The following COPZ1 variants were observed in gnomAD, a reference collection of about 807,000 sequenced individuals.
The protein encoded by COPZ1 is coat protein complex I subunit zeta 1.
In COPZ1, 4 loss-of-function variants were observed where a neutral mutation model predicts 31.7. The ratio of observed to expected loss-of-function variants is 0.13; its 90% CI spans 0.06 to 0.29. The LOEUF is 0.29. Among genes scored for constraint, COPZ1 ranks in the 10% least tolerant of loss-of-function variants. The probability of loss-of-function intolerance (pLI) is 1.00; values close to 1 mark genes in which losing one functional copy is unlikely to be tolerated. For missense variants in COPZ1, 156 were observed against 211.5 expected (o/e 0.74, Z 1.63); for synonymous variants, 74 against 79.0 (o/e 0.94, Z 0.33).
At position 54,340,450 on chromosome 12, in the gene COPZ1, T is replaced by C. The variant is rs79670595; in HGVS notation, c.19-97T>C. On this transcript the variant is annotated intron_variant, in intron 1 of 8. Coordinates refer to ENST00000262061, the MANE Select transcript of COPZ1 (RefSeq NM_016057.3). ...TAAGGGACTTACAGAGGTACCTCTG[T>C]ATCCCCTTGCAGCCCCAGTGGGACT... 9,676 of 1,568,426 alleles carry C rather than the reference T, an allele frequency of 6.2e-3. 427 individuals are homozygous for C. Among genetic ancestry groups the C allele is most frequent in the East Asian group, 0.032 (1,389 of 43,960 alleles).
intron 5 of COPZ1, chr12:54,346,550 G>A: frequency 2.9e-6 from 2 of 693,364 alleles, no homozygotes; most frequent in Non-Finnish European, 5.3e-6. Flanking sequence ...TGGGATTATA[G>A]GCATGAGCCA....
intron 1 of COPZ1, among the ~76,000 whole-genome samples, chr12:54,330,698 G>C (rs1953735202): frequency 6.6e-6 from 1 of 152,180 alleles, no homozygotes; most frequent in South Asian, 2.1e-4. Flanking sequence ...TTTTTATCTA[G>C]ATACTTGCTG....
intron 1 of COPZ1, among the ~76,000 whole-genome samples, chr12:54,338,899 G>A (rs1288078803): frequency 1.3e-5 from 2 of 152,180 alleles, no homozygotes; most frequent in Non-Finnish European, 2.9e-5. Context: ...TTCTTTGCAT[G>A]GAACCATAAA....
At chr12:54,337,385 A>T (rs1592202921) in intron 1 of COPZ1, 2 of 494,994 alleles carry the variant, frequency 4.0e-6, no homozygotes, top group Non-Finnish European at 8.3e-6. Flanking sequence ...CCCTAAGCTG[A>T]TAAGGTCTTT....
chr12:54,340,621 A>T lies in COPZ1; in HGVS notation c.87+6A>T, dbSNP rs754416532. ...GAGATCGACTTTTTGCCAAGGTGAG[A>T]TTCCCTTTCGAATTAGTTTAGGAAC... On this transcript the variant is annotated splice_donor_region_variant and intron_variant, in intron 2 of 8. Transcript: ENST00000262061. 3.1e-6 allele frequency: 5 copies of T among 1,613,068 alleles called. No homozygotes were observed. The East Asian group carries it at 8.9e-5, about 29-fold the overall frequency.
chr12:54,331,050 G>C (rs537090660), intron 1 of COPZ1, among the ~76,000 whole-genome samples: 1 of 152,008 alleles, frequency 6.6e-6, no homozygotes, highest in African/African-American at 2.4e-5. Context: ...TCCCTAGCCT[G>C]TGTCACCTCT....
rs1489359545 is a variant in COPZ1 at position 54,343,333 on chromosome 12, CT to C, written c.261+18del. On this transcript the variant is annotated intron_variant, in intron 4 of 8. Coordinates refer to ENST00000262061, the MANE Select transcript of COPZ1 (RefSeq NM_016057.3). ...GAAAATGAGGTGAGAATCCCCACCC[CT>C]CTTTGCTATTTCTGATCCTACTTTC... 5 of 1,591,678 alleles carry C rather than the reference CT, an allele frequency of 3.1e-6. No homozygotes were observed. The highest frequency in any genetic ancestry group is 3.4e-6 in the Non-Finnish European group (4 of 1,159,560).
intron 1 of COPZ1, among the ~76,000 whole-genome samples, chr12:54,328,423 A>C (rs1437222943): frequency 1.3e-5 from 2 of 150,634 alleles, no homozygotes; most frequent in African/African-American, 4.9e-5. Flanking sequence ...TACAAAACTT[A>C]GCTGGGCGTG....
chr12:54,346,521 C>A, intron 5 of COPZ1: 1 of 652,844 alleles, frequency 1.5e-6, no homozygotes, highest in South Asian at 1.6e-5. Context: ...GATCCACCTA[C>A]CTTGGCCTCC....
At chr12:54,336,865 T>C (rs1388381897) in intron 1 of COPZ1, among the ~76,000 whole-genome samples, 2 of 151,202 alleles carry the variant, frequency 1.3e-5, no homozygotes, top group African/African-American at 4.9e-5. Context: ...CTACTAAAAA[T>C]ACAAAAATTA....
chr12:54,342,460 C>T (rs1235851546), intron 3 of COPZ1, 173 bp downstream of exon 3: 29 of 594,258 alleles, frequency 4.9e-5, no homozygotes, highest in Non-Finnish European at 6.9e-5. Context: ...GTGTACCTCA[C>T]GCGGGAATAC....
In COPZ1 at chr12:54,325,177, T is replaced by C; in HGVS notation, c.14T>C (p.Ile5Thr). The part of the protein sequence containing the change: MEAL[I>T]LEPSLYTVKA... ...CTGCGGGGCAAGATGGAGGCGCTGA[T>C]TTTGGTAGGAGCTGGAGGGGCAGCA... Residue 5 changes from isoleucine to threonine, a missense_variant, in exon 1 of 9, where the codon ATT becomes ACT. Physicochemically the swap from Ile to Thr is moderately conservative, Grantham distance 89. Coordinates refer to ENST00000262061, the MANE Select transcript of COPZ1 (RefSeq NM_016057.3). 1 of 1,561,546 alleles carries C rather than the reference T, an allele frequency of 6.4e-7. No individual in the cohort carries two copies. Among genetic ancestry groups the C allele is most frequent in the South Asian group, 1.2e-5 (1 of 84,800 alleles).
intron 8 of COPZ1, 63 bp downstream of exon 8, chr12:54,349,721 C>A: frequency 8.1e-7 from 1 of 1,227,580 alleles, no homozygotes; most frequent in Non-Finnish European, 1.2e-6. Flanking sequence ...GAACAGCATT[C>A]CACCCATACC....
intron 5 of COPZ1, chr12:54,346,655 A>C: frequency 1.4e-6 from 1 of 702,018 alleles, no homozygotes; most frequent in Non-Finnish European, 2.6e-6. Flanking sequence ...GTCGAGTTCA[A>C]GACAAGCTTG....
chr12:54,341,482 A>G (rs1454342392), intron 2 of COPZ1, among the ~76,000 whole-genome samples: 4 of 152,208 alleles, frequency 2.6e-5, no homozygotes, highest in African/African-American at 9.7e-5. Flanking sequence ...TTAGTTTAGA[A>G]TTCACCAGCT....
chr12:54,346,570 G>GTT (rs200822645), intron 5 of COPZ1: 17 of 672,078 alleles, frequency 2.5e-5, no homozygotes, highest in Non-Finnish European at 4.1e-5. Flanking sequence ...ACTTAGACCA[G>GTT]TTTTTTTTTG....
intron 1 of COPZ1, among the ~76,000 whole-genome samples, chr12:54,329,242 C>T (rs1242410809): frequency 1.3e-5 from 2 of 152,034 alleles, no homozygotes; most frequent in Admixed American, 6.6e-5. Context: ...CATTAATAAC[C>T]TGTGGAATCT....
At position 54,347,963 on chromosome 12, in the gene COPZ1, G is replaced by A. The variant is rs145676573; in HGVS notation, c.396-37G>A. 474 of 1,612,392 alleles carry A rather than the reference G, an allele frequency of 2.9e-4. 1 individual carries two copies. The African/African-American group carries it at 5.6e-3, about 19-fold the overall frequency. ...CCCCGACAGTGAGTTGGGCCTTCGG[G>A]ACAGAGTGAACAATGATCTCTTCTT... On this transcript the variant is annotated intron_variant, in intron 6 of 8. Coordinates refer to ENST00000262061, the MANE Select transcript of COPZ1 (RefSeq NM_016057.3).
rs1255951980 is a variant in COPZ1, at chr12:54,325,147, A to G, written c.-17A>G. On this transcript the variant is annotated 5_prime_UTR_variant, in exon 1 of 9. Coordinates refer to ENST00000262061, the MANE Select transcript of COPZ1 (RefSeq NM_016057.3). ...GTTTCTTTTGCGGCTCCACGTCGGC[A>G]CCAGCTGCGGGGCAAGATGGAGGCG... The G allele has an allele frequency of 6.4e-7, 1 of 1,562,104 alleles. No individual in the cohort carries two copies. Among genetic ancestry groups the G allele is most frequent in the Admixed American group, 1.9e-5 (1 of 52,546 alleles).
Sources: allele counts gnomAD v4.1 joint callset (sites outside exome capture counted in the v4.1 genomes callset), GRCh38; gene constraint gnomAD v4.1.1; transcripts MANE v1.5; gene names NCBI Gene and HGNC (gene_info 2026-07-23, HGNC 2026-07-21).